Variants in CDH4 observed in about 807,000 individuals in gnomAD.
CDH4 encodes the protein cadherin 4, also known as cadherin-4.
In CDH4, 33 loss-of-function variants were observed where a neutral mutation model predicts 86.0. The ratio of observed to expected loss-of-function variants is 0.38; its 90% confidence interval spans 0.29 to 0.51. The LOEUF is 0.51. Among genes scored for constraint, CDH4 ranks in the 20% least tolerant of loss-of-function variants. CDH4 has a pLI of 0.86. For synonymous variants in CDH4, 555 were observed against 549.4 expected (o/e 1.01, Z -0.14); for missense variants, 1,114 against 1,307.4 (o/e 0.85, Z 2.28).
chr20:61,434,410 T>C (rs2085268853), intron 2 of CDH4, among the ~76,000 whole-genome samples: 1 of 152,144 alleles, frequency 6.6e-6, no homozygotes. Flanking sequence ...GGGATGAACG[T>C]GGGTGATTTG....
intron 8 of CDH4, among the ~76,000 whole-genome samples, chr20:61,897,800 C>G (rs1165717829): frequency 6.6e-6 from 1 of 152,230 alleles, no homozygotes; most frequent in African/African-American, 2.4e-5. Context: ...TCAGGCAGGT[C>G]CCAGACCCCA....
At chr20:61,357,317 G>A (rs1311776466) in intron 2 of CDH4, among the ~76,000 whole-genome samples, 1 of 152,160 alleles carries the variant, frequency 6.6e-6, no homozygotes, top group African/African-American at 2.4e-5. Flanking sequence ...CGGTAGGCAG[G>A]GCAGAGGAGG....
intron 2 of CDH4, among the ~76,000 whole-genome samples, chr20:61,660,662 T>G (rs902629250): frequency 6.6e-6 from 1 of 152,176 alleles, no homozygotes; most frequent in African/African-American, 2.4e-5. Flanking sequence ...GTCTGGACCC[T>G]CTGAGTGGGA....
At chr20:61,669,582 G>A (rs978571471) in intron 2 of CDH4, among the ~76,000 whole-genome samples, 1 of 152,162 alleles carries the variant, frequency 6.6e-6, no homozygotes, top group African/African-American at 2.4e-5. Context: ...ACTGAAGAAG[G>A]GTGGCTCAAA....
At chr20:61,838,156 GCCTGTCTGCCTGTCTC>G (rs1451233221) in intron 4 of CDH4, among the ~76,000 whole-genome samples, 11 of 151,834 alleles carry the variant, frequency 7.2e-5, no homozygotes, top group African/African-American at 2.7e-4. Flanking sequence ...CTGCCTGTCT[GCCTGTCTGCCTGTCTC>G]CCCTGCCCCT....
intron 12 of CDH4, 150 bp from the exon 13 acceptor site, chr20:61,929,459 G>A: frequency 1.6e-6 from 1 of 628,268 alleles, no homozygotes; most frequent in South Asian, 1.9e-5. Context: ...TTAACTTAAT[G>A]ATGTAGCACA....
Position 61,865,705 on chromosome 20 carries a change from G to A in CDH4, c.878-8023G>A, listed in dbSNP as rs189725794. Among the ~76,000 whole-genome samples the A allele has an allele frequency of 3.4e-3, 509 of 150,798 alleles. 1 individual carries two copies. Among genetic ancestry groups the A allele is most frequent in the Middle Eastern group, 0.014 (4 of 284 alleles). On this transcript the variant is annotated intron_variant, in intron 6 of 15. Transcript: ENST00000614565. ...CTGTCTTCCTGGCTGGTTTGTGTATGTAATGGGTTAGTTTCCTGGACAGGT... is the reference window on the plus strand; with the variant it reads ...CTGTCTTCCTGGCTGGTTTGTGTATATAATGGGTTAGTTTCCTGGACAGGT...
chr20:61,752,251 G>A (rs529036645), intron 3 of CDH4, among the ~76,000 whole-genome samples: 16 of 148,930 alleles, frequency 1.1e-4, no homozygotes, highest in Non-Finnish European at 2.4e-4. Context: ...AGAATCACTT[G>A]AGCCCGAGAG....
chr20:61,922,755 T>G (rs2054995558), intron 9 of CDH4, among the ~76,000 whole-genome samples: 1 of 152,176 alleles, frequency 6.6e-6, no homozygotes, highest in Non-Finnish European at 1.5e-5. Context: ...TCCCTCTCCC[T>G]TTCTCTCTGT....
chr20:61,342,854 C>T (rs938489563), intron 2 of CDH4, among the ~76,000 whole-genome samples: 1 of 152,212 alleles, frequency 6.6e-6, no homozygotes, highest in African/African-American at 2.4e-5. Context: ...TAAAAAAATG[C>T]TCTGTTTTAA....
chr20:61,906,235 G>C (rs957504088), intron 8 of CDH4, among the ~76,000 whole-genome samples: 2 of 152,260 alleles, frequency 1.3e-5, no homozygotes, highest in South Asian at 2.1e-4. Context: ...TGGTCAGGCT[G>C]TCTCTGTTAC....
At chr20:61,343,763 C>A (rs2084661970) in intron 2 of CDH4, among the ~76,000 whole-genome samples, 1 of 152,054 alleles carries the variant, frequency 6.6e-6, no homozygotes, top group Non-Finnish European at 1.5e-5. Context: ...AGCACTTTTC[C>A]CGGCTCATAT....
intron 3 of CDH4, among the ~76,000 whole-genome samples, chr20:61,766,990 G>A (rs2088707249): frequency 6.6e-6 from 1 of 152,220 alleles, no homozygotes; most frequent in Admixed American, 6.5e-5. Flanking sequence ...CAAGATGGTG[G>A]GCCACAGGTC....
chr20:61,385,709 T>C (rs2084947327), intron 2 of CDH4, among the ~76,000 whole-genome samples: 1 of 152,066 alleles, frequency 6.6e-6, no homozygotes. Flanking sequence ...ACACGCCAGG[T>C]TCCCAGGCTC....
At chr20:61,575,966 C>A (rs1411571356) in intron 2 of CDH4, among the ~76,000 whole-genome samples, 1 of 152,126 alleles carries the variant, frequency 6.6e-6, no homozygotes, top group Non-Finnish European at 1.5e-5. Context: ...ACCTCAAGGG[C>A]TTCGTCCTTG....
At chr20:61,911,598 G>A (rs144486184) in intron 9 of CDH4, among the ~76,000 whole-genome samples, 9 of 152,230 alleles carry the variant, frequency 5.9e-5, no homozygotes, top group East Asian at 5.8e-4. Context: ...CTGCCGAAGC[G>A]TAAGGAAAAG....
At chr20:61,909,086 A>G (rs943021809) in intron 8 of CDH4, among the ~76,000 whole-genome samples, 8 of 152,178 alleles carry the variant, frequency 5.3e-5, no homozygotes, top group African/African-American at 1.9e-4. Context: ...GGGCTTCCAC[A>G]CAGAAACTCC....
At chr20:61,761,906 G>T (rs185774543) in intron 3 of CDH4, among the ~76,000 whole-genome samples, 1 of 152,052 alleles carries the variant, frequency 6.6e-6, no homozygotes, top group Admixed American at 6.5e-5. Flanking sequence ...CGACAGCTCC[G>T]CACAGCAGGC....
intron 2 of CDH4, among the ~76,000 whole-genome samples, chr20:61,424,190 T>G (rs935452022): frequency 2.0e-5 from 3 of 148,826 alleles, no homozygotes. Flanking sequence ...ATAGCACACA[T>G]GTATCCACAC....
Sources: gnomAD v4.1 joint callset for allele counts (sites outside exome capture counted in the v4.1 genomes callset) on GRCh38, gnomAD v4.1.1 for gene constraint, MANE v1.5 for transcripts, NCBI Gene and HGNC (gene_info 2026-07-23, HGNC 2026-07-21) for gene names.